Variants in KNTC1 observed in about 807,000 individuals in gnomAD.
KNTC1 encodes the protein kinetochore-associated protein 1.
A neutral mutation model predicts 314.4 loss-of-function variants in KNTC1; 253 were observed. The ratio of observed to expected loss-of-function variants is 0.80; its 90% CI spans 0.73 to 0.89. KNTC1 has a LOEUF of 0.89. KNTC1 is among the 40% of genes least tolerant of loss of function. The pLI, the probability that KNTC1 is intolerant of heterozygous loss-of-function variation, is 0.00. For missense variants in KNTC1, 2,475 were observed against 2,572.9 expected, an observed-to-expected ratio of 0.96 and a Z score of 0.82; for synonymous variants, 901 against 901.4, an observed-to-expected ratio of 1.00 and a Z score of 0.01.
At position 122,603,570 on chromosome 12, in the gene KNTC1, G is replaced by A. The variant is rs181390707; in HGVS notation, c.5101+327G>A. On this transcript the variant is annotated intron_variant, in intron 48 of 63. Transcript: ENST00000333479. ...TGTAGTGGCATGATCTTGGCTCACC[G>A]CAACCTCCACCTCCCGGGTTCAAGT... Among the ~76,000 whole-genome samples the A allele has an allele frequency of 7.4e-3, 1,129 of 151,754 alleles. 15 individuals are homozygous for A. Among genetic ancestry groups the A allele is most frequent in the Admixed American group, 0.024 (363 of 15,200 alleles).
Position 122,597,730 on chromosome 12 carries a change from G to A in KNTC1, c.4356-1G>A. ...TGGTGTGTATTGAATGCTTCTTTTA[G>A]CACATTTCAGTTGGACTGCGATGCA... is the stretch of plus-strand genomic sequence containing the variant. On this transcript the variant is annotated splice_acceptor_variant, in intron 43 of 63. Coordinates refer to ENST00000333479, the MANE Select transcript of KNTC1 (RefSeq NM_014708.6). LOFTEE classifies it high-confidence loss of function. The A allele has an allele frequency of 6.2e-7, 1 of 1,613,408 alleles. No individual in the cohort carries two copies. The highest frequency in any genetic ancestry group is 2.2e-5 in the East Asian group (1 of 44,874).
chr12:122,619,423 T>C (rs562756871), intron 59 of KNTC1, among the ~76,000 whole-genome samples: 1 of 151,018 alleles, frequency 6.6e-6, no homozygotes, highest in East Asian at 2.0e-4. Flanking sequence ...TTGTTTTGTT[T>C]TGTTTTTGAG....
chr12:122,536,860 T>C (rs944158489), intron 3 of KNTC1, among the ~76,000 whole-genome samples: 1 of 152,198 alleles, frequency 6.6e-6, no homozygotes, highest in Non-Finnish European at 1.5e-5. Flanking sequence ...TTGAAACTTT[T>C]ACATAAGAAC....
At chr12:122,578,566 G>A (rs1404118919) in intron 31 of KNTC1, among the ~76,000 whole-genome samples, 2 of 151,946 alleles carry the variant, frequency 1.3e-5, no homozygotes, top group East Asian at 1.9e-4. Context: ...GATTACAGGC[G>A]TCCGCCACCA....
chr12:122,573,013 A>G lies in KNTC1; in HGVS notation c.2096A>G (p.His699Arg). 1 of 1,611,254 alleles carries G rather than the reference A, an allele frequency of 6.2e-7. No individual in the cohort carries two copies. Residue 699 changes from histidine (H) to arginine (R), a missense_variant, in exon 25 of 64, where the codon CAT (histidine) becomes CGT (arginine). Coordinates refer to ENST00000333479, the MANE Select transcript of KNTC1 (RefSeq NM_014708.6). ...AACTTGCGAGAGTTGATCACGTTGC[A>G]TAGGAAGTACAACTGCAAATTAGCC... ...VNNLRELITL[H>R]RKYNCKLALS...
At chr12:122,588,090 GAGTTTCC>G (rs1339827011) in intron 39 of KNTC1, among the ~76,000 whole-genome samples, 24 of 152,292 alleles carry the variant, frequency 1.6e-4, no homozygotes, top group African/African-American at 5.3e-4. Flanking sequence ...ACAGCCCTGA[GAGTTTCC>G]AGTTTACAAA....
At chr12:122,570,732 C>CCA in intron 22 of KNTC1, 144 bp from the exon 23 acceptor site, 4 of 612,422 alleles carry the variant, frequency 6.5e-6, no homozygotes, top group Admixed American at 2.8e-5. Context: ...TACTACGTGC[C>CCA]CACACACAAG....
At position 122,536,553 on chromosome 12, in the gene KNTC1, T is replaced by G. The variant is rs544430135; in HGVS notation, c.250+1769T>G. Among the ~76,000 whole-genome samples, 14 of 145,318 alleles carry G rather than the reference T, an allele frequency of 9.6e-5. No homozygotes were observed. The South Asian group carries it at 2.8e-3, about 29-fold the overall frequency. On this transcript the variant is annotated intron_variant, in intron 3 of 63. Transcript: ENST00000333479. Reference sequence around the variant, plus strand: ...TTTTTTTTCCCTGAGACAGTCTCGCTCTGTGGCCCAGGCTGGAGTGCAGTG... The same window carrying G: ...TTTTTTTTCCCTGAGACAGTCTCGCGCTGTGGCCCAGGCTGGAGTGCAGTG...
chr12:122,623,794 C>A (rs1318163032), intron 62 of KNTC1, among the ~76,000 whole-genome samples: 1 of 152,160 alleles, frequency 6.6e-6, no homozygotes, highest in Non-Finnish European at 1.5e-5. Flanking sequence ...TGGCCGGGCG[C>A]AGTGGCTTAC....
chr12:122,615,196 C>T lies in KNTC1; in HGVS notation c.5973+110C>T, dbSNP rs148027198. 6.3e-5 allele frequency: 54 copies of T among 860,934 alleles called. No individual in the cohort carries two copies. In the African/African-American group the frequency reaches 7.3e-4, roughly 12 times the overall value. The allele number at this position is 860,934 out of a possible 1,614,324, so 53.3% of individuals were successfully genotyped here. A position where few individuals can be genotyped will look rare whatever the true frequency, so the allele number is the denominator to read the frequency against. On this transcript the variant is annotated intron_variant, in intron 56 of 63. Transcript: ENST00000333479. ...ATGGAACAGATTTATGCTGAAAACA[C>T]AGTCACTCTCACTGAGCTCATGCCA... is the stretch of plus-strand genomic sequence containing the variant.
At chr12:122,603,768 G>T (rs1182234047) in intron 48 of KNTC1, among the ~76,000 whole-genome samples, 2 of 152,084 alleles carry the variant, frequency 1.3e-5, no homozygotes, top group Non-Finnish European at 2.9e-5. Context: ...TGGGATTACA[G>T]GCGTGAGCCA....
intron 51 of KNTC1, among the ~76,000 whole-genome samples, chr12:122,608,277 T>A (rs1872746738): frequency 6.6e-6 from 1 of 151,996 alleles, no homozygotes. Context: ...TTTAAAAAAT[T>A]ACCTGTGCCC....
intron 24 of KNTC1, among the ~76,000 whole-genome samples, chr12:122,571,489 G>T (rs917803924): frequency 5.9e-5 from 9 of 151,940 alleles, no homozygotes; most frequent in African/African-American, 1.9e-4. Flanking sequence ...CTCCTGAGTA[G>T]CTGGGACTAC....
At chr12:122,547,600 A>G in intron 11 of KNTC1, 70 bp downstream of exon 11, 1 of 985,134 alleles carries the variant, frequency 1.0e-6, no homozygotes. Context: ...GGTTTTGTTC[A>G]GGTCATTTAT....
intron 52 of KNTC1, among the ~76,000 whole-genome samples, chr12:122,609,724 C>T (rs1872917263): frequency 6.6e-6 from 1 of 151,946 alleles, no homozygotes; most frequent in Admixed American, 6.6e-5. Context: ...GGACTTTGGC[C>T]CCAGACCCTT....
At chr12:122,580,703 C>G (rs1965359495) in intron 33 of KNTC1, 33 bp downstream of exon 33, 2 of 1,388,174 alleles carry the variant, frequency 1.4e-6, no homozygotes, top group African/African-American at 2.9e-5. Context: ...AACATTATTA[C>G]TTGACCAATC....
chr12:122,585,155 C>T (rs971177669), intron 36 of KNTC1, among the ~76,000 whole-genome samples, 165 bp downstream of exon 36: 4 of 152,022 alleles, frequency 2.6e-5, no homozygotes, highest in Admixed American at 2.6e-4. Flanking sequence ...CCACCTCAGC[C>T]TTCTGAGTAG....
At position 122,588,775 on chromosome 12, in the gene KNTC1, GTTATAT is replaced by G; in HGVS notation, c.3963_3968del (p.Phe1322_Ile1323del). The G allele has an allele frequency of 1.3e-6, 2 of 1,566,036 alleles. No homozygotes were observed. The highest frequency in any genetic ancestry group is 1.7e-6 in the Non-Finnish European group (2 of 1,155,010). ...TGTTATGGAATTGAAAGAAAAAGCTGTTATATTTATCAGGGAAAATGCTACAACACT... is the reference window on the plus strand; with the variant it reads ...TGTTATGGAATTGAAAGAAAAAGCTGTTATCAGGGAAAATGCTACAACACT... On this transcript the variant is annotated inframe_deletion, in exon 40 of 64. Transcript: ENST00000333479.
rs1271260774 is a variant in KNTC1 at position 122,622,563 on chromosome 12, C to A, written c.6471C>A (p.Thr2157=). ...FQMLKMHAMN[T]NNITELVNYL... is the part of the protein sequence containing the mutation. Reference sequence around the variant, plus strand: ...TGTTGAAGATGCATGCGATGAATACCAACAATATCACTGAGCTAGTGAACT... The same window carrying A: ...TGTTGAAGATGCATGCGATGAATACAAACAATATCACTGAGCTAGTGAACT... The change falls in exon 62 of 64, where the codon ACC becomes ACA. Residue 2157 remains threonine, a synonymous_variant. Transcript: ENST00000333479. 6.4e-7 allele frequency: 1 copy of A among 1,565,966 alleles called. No individual in the cohort carries two copies. The highest frequency in any genetic ancestry group is 2.3e-5 in the East Asian group (1 of 42,974).
Sources: allele counts gnomAD v4.1 joint callset (sites outside exome capture counted in the v4.1 genomes callset), GRCh38; gene constraint gnomAD v4.1.1; transcripts MANE v1.5; gene names NCBI Gene and HGNC (gene_info 2026-07-23, HGNC 2026-07-21).